HAT1: variants seen among roughly 807,000 people sequenced by gnomAD.
HAT1 encodes the protein histone acetyltransferase type B catalytic subunit.
A neutral mutation model predicts 56.6 loss-of-function variants in HAT1; 20 were observed. The observed-to-expected ratio is 0.35, with a 90% CI of 0.25 to 0.51. The LOEUF is 0.51. HAT1 is among the 20% of genes least tolerant of loss of function. The pLI is 0.95. For missense variants in HAT1, 408 were observed against 504.3 expected (o/e 0.81, Z 1.83); for synonymous variants, 146 against 165.5 (o/e 0.88, Z 0.91).
intron 4 of HAT1, among the ~76,000 whole-genome samples, chr2:171,955,696 A>G (rs1687422171): frequency 6.6e-6 from 1 of 152,134 alleles, no homozygotes; most frequent in Non-Finnish European, 1.5e-5. Context: ...GTAGGAGAGA[A>G]CACCTGTATC....
intron 1 of HAT1, 90 bp downstream of exon 1, chr2:171,922,597 C>T (rs1240971295): frequency 2.7e-6 from 3 of 1,113,584 alleles, no homozygotes; most frequent in Non-Finnish European, 2.4e-6. Context: ...CCGCCTAGAA[C>T]TTTCGGGCTG....
intron 3 of HAT1, among the ~76,000 whole-genome samples, chr2:171,950,191 C>T (rs764784527): frequency 3.3e-5 from 5 of 151,882 alleles, no homozygotes; most frequent in East Asian, 1.9e-4. Flanking sequence ...TTTTTTGAGA[C>T]GGAGTCTTGC....
chr2:171,970,497 T>C (rs1280335367), intron 8 of HAT1, among the ~76,000 whole-genome samples: 2 of 2,674 alleles, frequency 7.5e-4, no homozygotes, highest in Non-Finnish European at 3.4e-3. Flanking sequence ...ATGCAGTTTC[T>C]TTTTTTTTTT....
intron 2 of HAT1, among the ~76,000 whole-genome samples, chr2:171,931,805 GC>G (rs752217266): frequency 3.9e-5 from 6 of 152,222 alleles, no homozygotes; most frequent in Non-Finnish European, 7.3e-5. Context: ...TATGTGGAGA[GC>G]CACTTGTGTT....
chr2:171,929,474 A>G (rs536584346), intron 2 of HAT1, among the ~76,000 whole-genome samples: 14 of 152,118 alleles, frequency 9.2e-5, no homozygotes, highest in African/African-American at 3.4e-4. Flanking sequence ...AGTTTTAATC[A>G]TGTCCAGTTT....
intron 3 of HAT1, among the ~76,000 whole-genome samples, chr2:171,949,024 C>T (rs1687237720): frequency 1.3e-5 from 2 of 152,096 alleles, no homozygotes. Flanking sequence ...TTTCCTCAAG[C>T]TTTCACCCAG....
chr2:171,969,135 G>A (rs768445011), intron 8 of HAT1, among the ~76,000 whole-genome samples: 3 of 152,124 alleles, frequency 2.0e-5, no homozygotes, highest in Non-Finnish European at 4.4e-5. Context: ...ATACATCTCA[G>A]TTGTATAACT....
In HAT1 at chr2:171,976,188, A is replaced by G. The variant is rs1687963043; in HGVS notation, c.855A>G (p.Leu285=). 1 of 1,593,776 alleles carries G rather than the reference A, an allele frequency of 6.3e-7. No individual in the cohort carries two copies. Among genetic ancestry groups the G allele is most frequent in the African/African-American group, 1.3e-5 (1 of 74,104 alleles). The part of the protein sequence containing the change: ...AEDPSKSYVK[L]RDFVLVKLCQ... ...ATCCATCCAAAAGCTATGTGAAATT[A>G]CGAGACTTTGTGCTTGTGAAGCTTT... is the stretch of plus-strand genomic sequence containing the variant. Residue 285 remains leucine, a synonymous_variant, in exon 9 of 11, where the codon TTA becomes TTG. Transcript: ENST00000264108.
At chr2:171,933,430 T>C (rs1305471308) in intron 2 of HAT1, among the ~76,000 whole-genome samples, 2 of 151,958 alleles carry the variant, frequency 1.3e-5, no homozygotes, top group African/African-American at 2.4e-5. Context: ...TTTCCTTTTC[T>C]AATACTAGCA....
chr2:171,922,678 C>G (rs1164871569), intron 1 of HAT1, 171 bp downstream of exon 1: 2 of 468,326 alleles, frequency 4.3e-6, no homozygotes, highest in Admixed American at 4.4e-5. Flanking sequence ...TCCTTGTTGG[C>G]GGCGGTCCGC....
intron 2 of HAT1, among the ~76,000 whole-genome samples, chr2:171,926,493 A>G (rs1278673547): frequency 6.6e-6 from 1 of 151,720 alleles, no homozygotes; most frequent in Non-Finnish European, 1.5e-5. Flanking sequence ...CGGTTTCTCC[A>G]TGTTGGTCAG....
intron 9 of HAT1, among the ~76,000 whole-genome samples, chr2:171,976,523 T>C (rs1224318880): frequency 2.0e-5 from 3 of 152,196 alleles, no homozygotes; most frequent in Non-Finnish European, 4.4e-5. Context: ...CGTGCCTCAG[T>C]TTCCTCATTA....
chr2:171,971,105 C>G (rs1274414770), intron 8 of HAT1, among the ~76,000 whole-genome samples: 2 of 152,058 alleles, frequency 1.3e-5, no homozygotes, highest in Admixed American at 1.3e-4. Flanking sequence ...GACGCTGAGG[C>G]AGGAGAATGG....
At chr2:171,957,706 C>T (rs527583739) in intron 4 of HAT1, among the ~76,000 whole-genome samples, 7 of 152,168 alleles carry the variant, frequency 4.6e-5, no homozygotes, top group African/African-American at 9.6e-5. Context: ...GTTCTGTTTC[C>T]GAGCATTCCT....
intron 4 of HAT1, among the ~76,000 whole-genome samples, chr2:171,960,894 C>T (rs188398772): frequency 8.5e-5 from 13 of 152,090 alleles, no homozygotes; most frequent in South Asian, 4.1e-4. Context: ...GTAATCCCAG[C>T]GCTTTGGGAG....
intron 9 of HAT1, among the ~76,000 whole-genome samples, chr2:171,978,051 TC>T (rs1304102366): frequency 2.0e-5 from 3 of 146,844 alleles, no homozygotes; most frequent in Non-Finnish European, 3.0e-5. Flanking sequence ...TCTTTTTTTT[TC>T]CTTTTCCTTT....
chr2:171,954,145 G>C (rs1329794162), intron 4 of HAT1, among the ~76,000 whole-genome samples: 2 of 152,114 alleles, frequency 1.3e-5, no homozygotes, highest in Non-Finnish European at 2.9e-5. Context: ...TTTGTGATCA[G>C]AGTTTTATTT....
Position 171,983,419 on chromosome 2 carries a change from A to G in HAT1, c.*67A>G. ...ACAATGTGCTGTGAAAAATCTGATG[A>G]CTTTAATTTTAAAATCTTGTGACAT... On this transcript the variant is annotated 3_prime_UTR_variant, in exon 11 of 11. Transcript: ENST00000264108. The G allele has an allele frequency of 1.3e-6, 1 of 761,828 alleles. No homozygotes were observed. The highest frequency in any genetic ancestry group is 2.9e-5 in the Admixed American group (1 of 34,800). The allele number at this position is 761,828 out of a possible 1,614,324, so 47.2% of individuals were successfully genotyped here.
chr2:171,974,736 A>G lies in HAT1; in HGVS notation c.824-1421A>G, dbSNP rs142300408. On this transcript the variant is annotated intron_variant, in intron 8 of 10. Coordinates refer to ENST00000264108, the MANE Select transcript of HAT1 (RefSeq NM_003642.4). ...TATGTGTTAATTATGAAATTGAGGC[A>G]GTTCCCTTCTATTTCTAGATAGTTG... 7.3e-3 allele frequency among the ~76,000 whole-genome samples: 1,117 copies of G among 152,310 alleles called. 8 individuals are homozygous for G. Among genetic ancestry groups the G allele is most frequent in the Non-Finnish European group, 0.01 (686 of 68,022 alleles).
Sources: allele counts gnomAD v4.1 joint callset (sites outside exome capture counted in the v4.1 genomes callset), GRCh38; gene constraint gnomAD v4.1.1; transcripts MANE v1.5; gene names NCBI Gene and HGNC (gene_info 2026-07-23, HGNC 2026-07-21).